Variants in COG5 observed in about 807,000 individuals in gnomAD.
COG5 encodes conserved oligomeric Golgi complex subunit 5.
In COG5, 86 loss-of-function variants were observed where a neutral mutation model predicts 110.4. The ratio of observed to expected loss-of-function variants is 0.78; its 90% CI spans 0.65 to 0.93. The LOEUF (loss-of-function observed/expected upper bound fraction) is 0.93. Ranked by LOEUF, COG5 falls within the 40% of genes least tolerant of loss-of-function variation. COG5 has a pLI of 0.00. For synonymous variants in COG5, 360 were observed against 334.6 expected, an observed-to-expected ratio of 1.08 and a Z score of -0.83; for missense variants, 1,077 against 987.0, an observed-to-expected ratio of 1.09 and a Z score of -1.22.
chr7:107,316,941 ATTAT>A (rs1244554364), intron 11 of COG5, among the ~76,000 whole-genome samples: 1 of 152,150 alleles, frequency 6.6e-6, no homozygotes, highest in African/African-American at 2.4e-5. Flanking sequence ...ACTTTTAATC[ATTAT>A]TTAAATTTGA....
chr7:107,412,418 T>A, intron 7 of COG5, 84 bp downstream of exon 7: 1 of 1,268,018 alleles, frequency 7.9e-7, no homozygotes, highest in Non-Finnish European at 1.1e-6. Context: ...ATAAGACATA[T>A]ATTACTTTTT....
chr7:107,291,921 A>C (rs1806208535), intron 12 of COG5, among the ~76,000 whole-genome samples: 1 of 152,154 alleles, frequency 6.6e-6, no homozygotes, highest in African/African-American at 2.4e-5. Context: ...CCTTAGGTTT[A>C]AACTTCTCCA....
intron 1 of COG5, among the ~76,000 whole-genome samples, chr7:107,560,580 T>C (rs1256045964): frequency 1.3e-5 from 2 of 152,118 alleles, no homozygotes; most frequent in South Asian, 2.1e-4. Context: ...GAATTCATAA[T>C]TTACAAGGGG....
intron 6 of COG5, among the ~76,000 whole-genome samples, chr7:107,436,951 A>G (rs1339037757): frequency 1.3e-5 from 2 of 152,212 alleles, no homozygotes; most frequent in African/African-American, 4.8e-5. Flanking sequence ...GTCCATTTAC[A>G]TTAATACTTG....
chr7:107,395,204 T>C (rs1263247119), intron 7 of COG5, among the ~76,000 whole-genome samples: 1 of 149,714 alleles, frequency 6.7e-6, no homozygotes, highest in Non-Finnish European at 1.5e-5. Context: ...ACACTCAAAA[T>C]GAAAAATAAG....
At chr7:107,266,714 G>T (rs941963076) in intron 14 of COG5, among the ~76,000 whole-genome samples, 1 of 151,934 alleles carries the variant, frequency 6.6e-6, no homozygotes, top group African/African-American at 2.4e-5. Context: ...AACTTGCTTT[G>T]AAGTGGGAAA....
Position 107,203,598 on chromosome 7 carries a change from C to T in COG5, c.2408G>A (p.Arg803Lys). ...TGCAAATTCTTTGCCTTCTCTACTT[C>T]TCACTGATTGAACATAAGCTTCCAG... ...GALEAYVQSV[R>K]SREGKEFAPV... Residue 803 changes from arginine to lysine, a missense_variant, in exon 22 of 22, where the codon AGA becomes AAA. Arg to Lys is a conservative substitution (Grantham distance 26). Transcript: ENST00000297135. 6.2e-7 allele frequency: 1 copy of T among 1,614,024 alleles called. No homozygotes were observed.
intron 12 of COG5, among the ~76,000 whole-genome samples, chr7:107,285,333 T>C (rs1473407164): frequency 2.0e-5 from 3 of 152,224 alleles, no homozygotes; most frequent in Non-Finnish European, 2.9e-5. Flanking sequence ...ACTCATGACA[T>C]CTACTGACCT....
At chr7:107,341,213 G>A (rs551590667) in intron 10 of COG5, among the ~76,000 whole-genome samples, 29 of 152,210 alleles carry the variant, frequency 1.9e-4, no homozygotes, top group Admixed American at 3.3e-4. Context: ...AAAATCAGTA[G>A]CATTTCTATA....
chr7:107,521,189 C>G (rs188213980), intron 6 of COG5, among the ~76,000 whole-genome samples: 2 of 152,110 alleles, frequency 1.3e-5, no homozygotes, highest in East Asian at 3.8e-4. Context: ...AGTATAAAAA[C>G]GCTAGATGAA....
intron 8 of COG5, among the ~76,000 whole-genome samples, chr7:107,364,829 G>C (rs912178427): frequency 6.6e-6 from 1 of 152,158 alleles, no homozygotes; most frequent in African/African-American, 2.4e-5. Context: ...TAATCTATGA[G>C]AAAGATGTTG....
chr7:107,401,512 A>G (rs758422875), intron 7 of COG5, among the ~76,000 whole-genome samples: 21 of 152,208 alleles, frequency 1.4e-4, no homozygotes, highest in Non-Finnish European at 2.9e-4. Flanking sequence ...GATGGGAACA[A>G]ACAGACAAAT....
chr7:107,363,040 A>C (rs951620730), intron 8 of COG5, among the ~76,000 whole-genome samples: 2 of 152,194 alleles, frequency 1.3e-5, no homozygotes, highest in African/African-American at 4.8e-5. Context: ...GTATTGAAGT[A>C]GTAATCCTGA....
At chr7:107,260,381 T>C (rs1255831018) in intron 14 of COG5, among the ~76,000 whole-genome samples, 1 of 152,092 alleles carries the variant, frequency 6.6e-6, no homozygotes, top group Non-Finnish European at 1.5e-5. Flanking sequence ...CAAATCTACA[T>C]GGGCAAAAGT....
At chr7:107,381,981 T>C (rs758768396) in intron 7 of COG5, among the ~76,000 whole-genome samples, 1 of 152,234 alleles carries the variant, frequency 6.6e-6, no homozygotes, top group Non-Finnish European at 1.5e-5. Flanking sequence ...TTTGCATCAG[T>C]GCAACAAGAA....
At position 107,281,357 on chromosome 7, in the gene COG5, A is replaced by G. The variant is rs1562948748; in HGVS notation, c.1518T>C (p.Ala506=). ...VAAVDTNLTL[A]VSKNVAKTIQ... ...TGGTCTTTGCCACATTTTTTGACAC[A>G]GCTAATGTGAGGTTTGTATCAACAG... The change falls in exon 14 of 22, where the codon GCT becomes GCC. Residue 506 remains alanine (A), a synonymous_variant. Transcript: ENST00000297135. The G allele has an allele frequency of 1.2e-6, 2 of 1,613,558 alleles. No individual in the cohort carries two copies. The highest frequency in any genetic ancestry group is 1.7e-6 in the Non-Finnish European group (2 of 1,179,594).
intron 10 of COG5, among the ~76,000 whole-genome samples, chr7:107,330,823 CT>C (rs376987809): frequency 0.15 from 20,397 of 135,362 alleles, 1,377 homozygotes; most frequent in Non-Finnish European, 0.21. Context: ...AGCTAGATCC[CT>C]TTTTTTTTTT....
At chr7:107,212,729 A>G (rs1444552403) in intron 19 of COG5, among the ~76,000 whole-genome samples, 1 of 152,228 alleles carries the variant, frequency 6.6e-6, no homozygotes, top group Non-Finnish European at 1.5e-5. Flanking sequence ...ACAGACAAGA[A>G]CATCTTTGTG....
chr7:107,283,884 A>G, intron 12 of COG5, 152 bp from the exon 13 acceptor site: 1 of 627,252 alleles, frequency 1.6e-6, no homozygotes, highest in South Asian at 1.9e-5. Flanking sequence ...CACAACGTAC[A>G]TATTTACCAA....
Sources: allele counts gnomAD v4.1 joint callset (sites outside exome capture counted in the v4.1 genomes callset), GRCh38; gene constraint gnomAD v4.1.1; transcripts MANE v1.5; gene names NCBI Gene and HGNC (gene_info 2026-07-23, HGNC 2026-07-21).